The following DOCK4 variants were observed in gnomAD, a reference collection of about 807,000 sequenced individuals.
DOCK4 encodes dedicator of cytokinesis 4, also known as dedicator of cytokinesis protein 4.
In DOCK4, 97 loss-of-function variants were observed where a neutral mutation model predicts 268.1. The observed-to-expected ratio is 0.36, with a 90% CI of 0.31 to 0.43. The LOEUF is 0.43. Ranked by LOEUF, DOCK4 falls within the 20% of genes least tolerant of loss-of-function variation. DOCK4 has a pLI of 1.00. For synonymous variants in DOCK4, 954 were observed against 887.2 expected, an observed-to-expected ratio of 1.08 and a Z score of -1.34; for missense variants, 2,145 against 2,455.7, an observed-to-expected ratio of 0.87 and a Z score of 2.67.
rs1321989834 is a variant in DOCK4, at chr7:111,809,401, T to C, written c.3007A>G (p.Ile1003Val). ...GCGAGGTAAAAGTAGGAATCCCAGA[T>C]CTAAAACAAGAACAAGATATATCAA... is the stretch of plus-strand genomic sequence containing the variant. ...NFLNENFDYK[I>V]WDSYFYLAVI... The change falls in exon 29 of 53, where the codon ATC (isoleucine) becomes GTC (valine). Residue 1003 changes from isoleucine (I) to valine (V), a missense_variant and splice_region_variant. Transcript: ENST00000428084. 6.4e-7 allele frequency: 1 copy of C among 1,554,594 alleles called. No homozygotes were observed. Among genetic ancestry groups the C allele is most frequent in the Non-Finnish European group, 8.7e-7 (1 of 1,147,390 alleles).
chr7:111,828,061 C>T (rs938634530), intron 26 of DOCK4, among the ~76,000 whole-genome samples: 1 of 151,966 alleles, frequency 6.6e-6, no homozygotes, highest in Non-Finnish European at 1.5e-5. Context: ...TATGAAATGC[C>T]AAGGATATGG....
intron 37 of DOCK4, among the ~76,000 whole-genome samples, chr7:111,768,855 G>A (rs1797933903): frequency 6.6e-6 from 1 of 152,298 alleles, no homozygotes; most frequent in East Asian, 1.9e-4. Context: ...GCGTGCTATG[G>A]TCTGCATGTT....
At chr7:111,801,904 T>C (rs1800326029) in intron 30 of DOCK4, among the ~76,000 whole-genome samples, 1 of 149,946 alleles carries the variant, frequency 6.7e-6, no homozygotes, top group Non-Finnish European at 1.5e-5. Context: ...GGTTTCACCA[T>C]GTTAGCCAGG....
rs879807345 is a variant in DOCK4 at position 111,739,249 on chromosome 7, A to G, written c.5123-6T>C. 4.3e-6 allele frequency: 7 copies of G among 1,612,494 alleles called. No individual in the cohort carries two copies. Among genetic ancestry groups the G allele is most frequent in the Admixed American group, 1.7e-5 (1 of 59,994 alleles). On this transcript the variant is annotated splice_region_variant and splice_polypyrimidine_tract_variant and intron_variant, in intron 48 of 52. Transcript: ENST00000428084. ...GTCAGACAACAAAGGAGAAGCTGGG[A>G]AGAGAAGGAGAGAGAGGATCATCAG...
chr7:112,118,347 T>A (rs10487342), intron 1 of DOCK4, among the ~76,000 whole-genome samples: 5,393 of 152,254 alleles, frequency 0.035, 220 homozygotes, highest in East Asian at 0.2. Context: ...CTTAACAAGA[T>A]TTAATTGAAC....
At position 111,782,898 on chromosome 7, in the gene DOCK4, T is replaced by A; in HGVS notation, c.3551A>T (p.Asp1184Val). ...AACTGTGCAGCCAATCTTTTTGCCATCTACCTCTCCCATTTTCATGCAGTC... is the reference window on the plus strand; with the variant it reads ...AACTGTGCAGCCAATCTTTTTGCCAACTACCTCTCCCATTTTCATGCAGTC... ...YRDCMKMGEVDGKKIGCTVSL... is the reference protein window; with the variant it reads ...YRDCMKMGEVVGKKIGCTVSL... The change falls in exon 35 of 53, where the codon GAT (aspartate) becomes GTT (valine). Residue 1184 changes from aspartate to valine, a missense_variant. Asp to Val is a radical substitution (Grantham distance 152, BLOSUM62 -3). Around this residue, in one of 2 missense-constraint regions of DOCK4, gnomAD observed 1,598 missense variants for 1,986.7 expected, o/e 0.80. Transcript: ENST00000428084. 3.7e-6 allele frequency: 6 copies of A among 1,613,382 alleles called. No homozygotes were observed. The highest frequency in any genetic ancestry group is 5.1e-6 in the Non-Finnish European group (6 of 1,179,740).
rs1231875759 is a variant in DOCK4, at chr7:111,741,735, T to C, written c.4798-74A>G. On this transcript the variant is annotated intron_variant, in intron 45 of 52. Coordinates refer to ENST00000428084, the MANE Select transcript of DOCK4 (RefSeq NM_001363540.2). ...AAATAACTTATGAGACAGGTTAGCATACTAGGCACACATCCTAATTGCCAT... is the reference window on the plus strand; with the variant it reads ...AAATAACTTATGAGACAGGTTAGCACACTAGGCACACATCCTAATTGCCAT... 5 of 1,535,140 alleles carry C rather than the reference T, an allele frequency of 3.3e-6. No homozygotes were observed. The East Asian group carries it at 1.2e-4, about 35-fold the overall frequency.
chr7:111,981,005 C>T (rs1259807666), intron 7 of DOCK4, among the ~76,000 whole-genome samples: 2 of 152,188 alleles, frequency 1.3e-5, no homozygotes, highest in Non-Finnish European at 2.9e-5. Context: ...ACTTTTACTG[C>T]TTAAATGAAC....
chr7:112,093,422 A>G (rs1318212065), intron 1 of DOCK4, among the ~76,000 whole-genome samples: 2 of 152,070 alleles, frequency 1.3e-5, no homozygotes, highest in African/African-American at 4.8e-5. Context: ...TATTGTGACG[A>G]CATTTAAAGT....
chr7:111,944,806 C>A lies in DOCK4; in HGVS notation c.844+5G>T. 6.2e-7 allele frequency: 1 copy of A among 1,613,626 alleles called. No homozygotes were observed. The highest frequency in any genetic ancestry group is 8.5e-7 in the Non-Finnish European group (1 of 1,179,600). ...CCCTACTGCACTGACAAGTGTTATA[C>A]CTACCGATTCGGATAATGTGCACGG... On this transcript the variant is annotated splice_donor_5th_base_variant and intron_variant, in intron 10 of 52. Coordinates refer to ENST00000428084, the MANE Select transcript of DOCK4 (RefSeq NM_001363540.2).
rs183050457 is a variant in DOCK4, at chr7:111,868,438, C to T, written c.2110-284G>A. Among the ~76,000 whole-genome samples the T allele has an allele frequency of 1.1e-4, 17 of 152,260 alleles. No homozygotes were observed. In the East Asian group the frequency reaches 1.4e-3, roughly 12 times the overall value. On this transcript the variant is annotated intron_variant, in intron 21 of 52. Coordinates refer to ENST00000428084, the MANE Select transcript of DOCK4 (RefSeq NM_001363540.2). The stretch of plus-strand genomic sequence containing the variant: ...AATTTAAAAACACTTTAGCCGGGCA[C>T]GGTGGCTCACGCCTGTAATCCCAGC...
At position 111,798,814 on chromosome 7, in the gene DOCK4, A is replaced by T. The variant is rs527559505; in HGVS notation, c.3167-8209T>A. Among the ~76,000 whole-genome samples, 8 of 152,374 alleles carry T rather than the reference A, an allele frequency of 5.3e-5. No homozygotes were observed. In the South Asian group the frequency reaches 1.2e-3, roughly 24 times the overall value. Reference sequence around the variant, plus strand: ...AGGAAAGGTAGCTAACATTTATACTAACTCCAAGTATGCTTTCCTAATTTT... The same window carrying T: ...AGGAAAGGTAGCTAACATTTATACTTACTCCAAGTATGCTTTCCTAATTTT... On this transcript the variant is annotated intron_variant, in intron 30 of 52. Transcript: ENST00000428084.
At chr7:111,845,297 AT>A (rs957106947) in intron 24 of DOCK4, among the ~76,000 whole-genome samples, 2 of 152,202 alleles carry the variant, frequency 1.3e-5, no homozygotes, top group Admixed American at 1.3e-4. Context: ...ACTTTTCTCA[AT>A]ATTAGAGTTA....
At chr7:111,861,282 T>A (rs923440549) in intron 23 of DOCK4, among the ~76,000 whole-genome samples, 1 of 152,184 alleles carries the variant, frequency 6.6e-6, no homozygotes, top group Admixed American at 6.5e-5. Flanking sequence ...GGTTGAACTT[T>A]CTTTTACATT....
At chr7:112,063,984 T>C (rs1806692360) in intron 1 of DOCK4, among the ~76,000 whole-genome samples, 1 of 152,152 alleles carries the variant, frequency 6.6e-6, no homozygotes, top group South Asian at 2.1e-4. Flanking sequence ...CCTTCCCAAG[T>C]CTCCCTTACA....
At chr7:111,729,327 A>G (rs1233870684) in intron 52 of DOCK4, among the ~76,000 whole-genome samples, 3 of 152,274 alleles carry the variant, frequency 2.0e-5, no homozygotes, top group South Asian at 2.1e-4. Flanking sequence ...TAGAAGGCCG[A>G]TGCAGGGATC....
intron 1 of DOCK4, among the ~76,000 whole-genome samples, chr7:112,191,332 C>T (rs78993425): frequency 1.6e-3 from 244 of 152,230 alleles, no homozygotes; most frequent in Middle Eastern, 0.014. Context: ...ATTCCCTTCA[C>T]GTCACTCAGC....
At chr7:112,025,798 G>A (rs1309846957) in intron 1 of DOCK4, among the ~76,000 whole-genome samples, 5 of 152,100 alleles carry the variant, frequency 3.3e-5, no homozygotes, top group Non-Finnish European at 7.3e-5. Context: ...CCTAACTCCA[G>A]GTTGCTCATG....
At chr7:111,986,098 G>C (rs1428119840) in intron 6 of DOCK4, among the ~76,000 whole-genome samples, 1 of 152,182 alleles carries the variant, frequency 6.6e-6, no homozygotes, top group African/African-American at 2.4e-5. Context: ...CCATGGGTAA[G>C]CACCTGACCT....
Sources: allele counts gnomAD v4.1 joint callset (sites outside exome capture counted in the v4.1 genomes callset), GRCh38; gene constraint gnomAD v4.1.1; regional missense constraint gnomAD v4.1.1; transcripts MANE v1.5; gene names NCBI Gene and HGNC (gene_info 2026-07-23, HGNC 2026-07-21).